The following ANO2 variants were observed in gnomAD, a reference collection of about 807,000 sequenced individuals.
ANO2 encodes anoctamin 2.
ANO2 carries 101 observed loss-of-function variants against 124.2 expected under a neutral mutation model. That is an observed-to-expected ratio of 0.81 (90% CI 0.69 to 0.96). The LOEUF is 0.96. Ranked by LOEUF, ANO2 falls within the 40% of genes least tolerant of loss-of-function variation. The pLI is 0.00. For synonymous variants in ANO2, 486 were observed against 482.5 expected, an observed-to-expected ratio of 1.01 and a Z score of -0.09; for missense variants, 1,293 against 1,274.5, an observed-to-expected ratio of 1.01 and a Z score of -0.22.
At position 5,565,545 on chromosome 12, in the gene ANO2, C is replaced by G. The variant is rs1326569083; in HGVS notation, c.2727+13G>C. 5.1e-6 allele frequency: 8 copies of G among 1,579,820 alleles called. No homozygotes were observed. Among genetic ancestry groups the G allele is most frequent in the Non-Finnish European group, 6.9e-6 (8 of 1,160,422 alleles). ...CGGATTCGAATGGGCTATTCCCTAT[C>G]CCAGCAACTCACCTGGAAGATTATG... On this transcript the variant is annotated intron_variant, in intron 24 of 24. Coordinates refer to ENST00000682330, the MANE Select transcript of ANO2 (RefSeq NM_001364791.2).
chr12:5,640,100 T>C (rs1946257167), intron 15 of ANO2, among the ~76,000 whole-genome samples: 1 of 152,150 alleles, frequency 6.6e-6, no homozygotes, highest in Non-Finnish European at 1.5e-5. Context: ...TTCGTCTTTG[T>C]CCATGCTGGT....
intron 3 of ANO2, among the ~76,000 whole-genome samples, chr12:5,880,383 T>G (rs544758980): frequency 2.7e-5 from 4 of 150,920 alleles, no homozygotes; most frequent in Non-Finnish European, 4.4e-5. Flanking sequence ...CATAAATGTA[T>G]GAAATTGCCC....
chr12:5,678,003 T>C (rs1297214587), intron 14 of ANO2, among the ~76,000 whole-genome samples: 1 of 151,896 alleles, frequency 6.6e-6, no homozygotes, highest in Non-Finnish European at 1.5e-5. Flanking sequence ...ATCAGAGAGG[T>C]AGGGAAGAAA....
intron 3 of ANO2, among the ~76,000 whole-genome samples, chr12:5,855,800 G>A (rs569364828): frequency 6.6e-6 from 1 of 152,212 alleles, no homozygotes; most frequent in African/African-American, 2.4e-5. Context: ...AATAAAGATA[G>A]TGTTCAGACA....
intron 1 of ANO2, among the ~76,000 whole-genome samples, chr12:5,926,633 G>T (rs1415298480): frequency 2.0e-5 from 3 of 152,150 alleles, no homozygotes; most frequent in African/African-American, 7.2e-5. Flanking sequence ...GGTCCTTAGG[G>T]ACCCAGAAAA....
intron 4 of ANO2, among the ~76,000 whole-genome samples, chr12:5,839,954 A>C (rs771065636): frequency 6.6e-6 from 1 of 152,114 alleles, no homozygotes; most frequent in Non-Finnish European, 1.5e-5. Flanking sequence ...CCCTGAGAAG[A>C]AAGTAGGCTG....
At chr12:5,624,466 AC>A (rs1374081257) in intron 16 of ANO2, among the ~76,000 whole-genome samples, 1 of 151,754 alleles carries the variant, frequency 6.6e-6, no homozygotes, top group African/African-American at 2.4e-5. Context: ...GATCACAGAC[AC>A]CCCCAACACC....
intron 3 of ANO2, among the ~76,000 whole-genome samples, chr12:5,860,258 A>T (rs1955225714): frequency 1.3e-5 from 2 of 152,184 alleles, no homozygotes; most frequent in South Asian, 2.1e-4. Context: ...GCCGTGGATT[A>T]TGCCTGGTCC....
At chr12:5,916,491 T>TAAAAAAAAAAAAAAAAAAAAAAA (rs769233593) in intron 3 of ANO2, among the ~76,000 whole-genome samples, 3 of 98,084 alleles carry the variant, frequency 3.1e-5, no homozygotes, top group Admixed American at 2.1e-4. Flanking sequence ...TCGCAGCAGG[T>TAAAAAAAAAAAAAAAAAAAAAAA]TAAAAAAAAA....
upstream of ANO2, chr12:5,946,033 C>A: frequency 7.8e-7 from 1 of 1,275,648 alleles, no homozygotes; most frequent in Non-Finnish European, 1.1e-6. The surrounding 1 kb of genome is among the most constrained non-coding windows in gnomAD (Gnocchi z 4.1). Flanking sequence ...GGCCCTTCTG[C>A]ACGATGGAAT....
At chr12:5,907,265 A>G (rs115556305) in intron 3 of ANO2, among the ~76,000 whole-genome samples, 1,732 of 152,348 alleles carry the variant, frequency 0.011, 35 homozygotes, top group African/African-American at 0.039. Flanking sequence ...TAATGATAGA[A>G]TGTTTCCCTT....
intron 1 of ANO2, among the ~76,000 whole-genome samples, chr12:5,933,084 A>C (rs1422843187): frequency 6.6e-6 from 1 of 152,194 alleles, no homozygotes; most frequent in East Asian, 1.9e-4. Context: ...ACAAGGGGCC[A>C]GCTACGTGGT....
chr12:5,817,975 C>T (rs977524325), intron 7 of ANO2, among the ~76,000 whole-genome samples: 5 of 152,152 alleles, frequency 3.3e-5, no homozygotes, highest in African/African-American at 1.2e-4. Flanking sequence ...AGTAGGTCAA[C>T]AGCACCTTCC....
intron 16 of ANO2, among the ~76,000 whole-genome samples, chr12:5,632,489 C>T (rs1333923309): frequency 6.6e-6 from 1 of 151,902 alleles, no homozygotes; most frequent in East Asian, 1.9e-4. Flanking sequence ...ACAAAATGTG[C>T]TTGTTAGGAT....
intron 12 of ANO2, among the ~76,000 whole-genome samples, chr12:5,743,855 C>T (rs1951181592): frequency 6.6e-6 from 1 of 152,152 alleles, no homozygotes; most frequent in East Asian, 1.9e-4. Flanking sequence ...AGGAGTCTTA[C>T]AGGTGTGCTA....
At position 5,611,767 on chromosome 12, in the gene ANO2, G is replaced by T. The variant is rs377646221; in HGVS notation, c.2087+889C>A. Among the ~76,000 whole-genome samples, 4 of 152,160 alleles carry T rather than the reference G, an allele frequency of 2.6e-5. No homozygotes were observed. The East Asian group carries it at 5.8e-4, about 22-fold the overall frequency. On this transcript the variant is annotated intron_variant, in intron 19 of 24. Transcript: ENST00000682330. ...GTATCTCTAAGAGGATGAAAAATGTGTCACAGAATCTTATGGGTCCTGTCT... is the reference window on the plus strand; with the variant it reads ...GTATCTCTAAGAGGATGAAAAATGTTTCACAGAATCTTATGGGTCCTGTCT...
At position 5,625,982 on chromosome 12, in the gene ANO2, T is replaced by C. The variant is rs147435551; in HGVS notation, c.1816+9170A>G. Among the ~76,000 whole-genome samples the C allele has an allele frequency of 1.1e-4, 16 of 152,266 alleles. No individual in the cohort carries two copies. In the East Asian group the frequency reaches 3.1e-3, roughly 29 times the overall value. On this transcript the variant is annotated intron_variant, in intron 16 of 24. Coordinates refer to ENST00000682330, the MANE Select transcript of ANO2 (RefSeq NM_001364791.2). Reference sequence around the variant, plus strand: ...AAAGCATGGAAAGCATCAAGCATGGTGTAAGGGCTCAAAGATTTGCTCTTA... The same window carrying C: ...AAAGCATGGAAAGCATCAAGCATGGCGTAAGGGCTCAAAGATTTGCTCTTA...
At chr12:5,906,019 G>C (rs1940654922) in intron 3 of ANO2, among the ~76,000 whole-genome samples, 2 of 152,296 alleles carry the variant, frequency 1.3e-5, no homozygotes, top group South Asian at 4.1e-4. Flanking sequence ...GATTGCTGTG[G>C]TGTTTTCTTC....
intron 10 of ANO2, among the ~76,000 whole-genome samples, chr12:5,761,664 G>A (rs1457491918): frequency 1.3e-5 from 2 of 152,142 alleles, no homozygotes; most frequent in Non-Finnish European, 2.9e-5. Flanking sequence ...CTTTTAAAAA[G>A]TTATTTTAAA....
Sources: allele counts gnomAD v4.1 joint callset (sites outside exome capture counted in the v4.1 genomes callset), GRCh38; gene constraint gnomAD v4.1.1; non-coding constraint Gnocchi (gnomAD v3.1); transcripts MANE v1.5; gene names NCBI Gene and HGNC (gene_info 2026-07-23, HGNC 2026-07-21).